The following ZNF451 variants were observed in gnomAD, a reference collection of about 807,000 sequenced individuals.
The protein encoded by ZNF451 is E3 SUMO-protein ligase ZNF451.
Under a neutral mutation model 107.1 loss-of-function variants are expected in ZNF451, and 80 were observed. The ratio of observed to expected loss-of-function variants is 0.75; its 90% CI spans 0.62 to 0.90. The LOEUF (loss-of-function observed/expected upper bound fraction) is 0.90, where lower values mean the gene tolerates loss of function less well. Among genes scored for constraint, ZNF451 ranks in the 40% least tolerant of loss-of-function variants. ZNF451 has a pLI of 0.00. For synonymous variants in ZNF451, 362 were observed against 406.5 expected (o/e 0.89, Z 1.32); for missense variants, 1,107 against 1,236.2 (o/e 0.90, Z 1.57).
At chr6:57,150,935 T>G in intron 11 of ZNF451, 73 bp downstream of exon 11, 1 of 1,521,158 alleles carries the variant, frequency 6.6e-7, no homozygotes, top group Non-Finnish European at 9.0e-7. Flanking sequence ...AAAAGGCTCC[T>G]CTTAAACCTT....
At chr6:57,131,574 G>A (rs1831180289) in intron 5 of ZNF451, among the ~76,000 whole-genome samples, 1 of 152,070 alleles carries the variant, frequency 6.6e-6, no homozygotes, top group Non-Finnish European at 1.5e-5. Flanking sequence ...TCCATTATTT[G>A]TTGTCAGAAC....
At chr6:57,145,206 T>C (rs1832003158) in intron 9 of ZNF451, among the ~76,000 whole-genome samples, 1 of 152,198 alleles carries the variant, frequency 6.6e-6, no homozygotes, top group Admixed American at 6.5e-5. Flanking sequence ...TTGAGTTAAT[T>C]TGTGGAATAG....
rs576675373 is a variant in ZNF451, at chr6:57,130,008, T to C, written c.424+1168T>C. On this transcript the variant is annotated intron_variant, in intron 5 of 14. Transcript: ENST00000370706. The stretch of plus-strand genomic sequence containing the variant: ...TTATTCATTTCACTAATACAGTATT[T>C]ATTATGTTCGATTGATCCGTTTATA... 2.6e-5 allele frequency among the ~76,000 whole-genome samples: 4 copies of C among 152,308 alleles called. No individual in the cohort carries two copies. The East Asian group carries it at 7.7e-4, about 29-fold the overall frequency.
chr6:57,159,382 CAGAA>C (rs908868463), intron 13 of ZNF451: 2 of 985,248 alleles, frequency 2.0e-6, no homozygotes, highest in African/African-American at 3.5e-5. Flanking sequence ...ATTGTAATAA[CAGAA>C]AGCTGTGGGT....
At chr6:57,150,548 G>A (rs1314807724) in intron 10 of ZNF451, 171 bp from the exon 11 acceptor site, 15 of 526,306 alleles carry the variant, frequency 2.9e-5, no homozygotes, top group Non-Finnish European at 4.7e-5. Flanking sequence ...TGATTTAAGT[G>A]TAAATGGTGT....
intron 13 of ZNF451, among the ~76,000 whole-genome samples, chr6:57,155,541 C>T (rs1763379050): frequency 6.6e-6 from 1 of 152,278 alleles, no homozygotes; most frequent in South Asian, 2.1e-4. Flanking sequence ...TCCCAGTTCT[C>T]AACATCTACT....
chr6:57,125,783 A>G (rs1362899467), intron 4 of ZNF451, among the ~76,000 whole-genome samples: 1 of 152,098 alleles, frequency 6.6e-6, no homozygotes, highest in African/African-American at 2.4e-5. Context: ...ATGTAATATC[A>G]ATTAAATTAG....
chr6:57,143,047 G>A (rs1177297884), intron 9 of ZNF451, among the ~76,000 whole-genome samples: 1 of 151,978 alleles, frequency 6.6e-6, no homozygotes, highest in Non-Finnish European at 1.5e-5. Context: ...ATAGTGAGTT[G>A]GGGTTCTTTA....
chr6:57,134,841 C>A lies in ZNF451; in HGVS notation c.673C>A (p.Gln225Lys), dbSNP rs536434206. ...ATGTTATAAAAAATTTGTTACTCAA[C>A]AACAATATAGAGATCACCTTTTTGA... ...VVCYKKFVTQ[Q>K]QYRDHLFDKE... is the part of the protein sequence containing the mutation. Residue 225 changes from glutamine to lysine, a missense_variant, in exon 7 of 15, where the codon CAA becomes AAA. Physicochemically the swap from Gln to Lys is moderately conservative, Grantham distance 53. Coordinates refer to ENST00000370706, the MANE Select transcript of ZNF451 (RefSeq NM_001031623.3). 23 of 1,609,096 alleles carry A rather than the reference C, an allele frequency of 1.4e-5. No individual in the cohort carries two copies. The Admixed American group carries it at 2.8e-4, about 20-fold the overall frequency.
chr6:57,112,782 A>G (rs1372755391), intron 3 of ZNF451, among the ~76,000 whole-genome samples: 1 of 152,202 alleles, frequency 6.6e-6, no homozygotes, highest in Non-Finnish European at 1.5e-5. Flanking sequence ...TCATGTTCAT[A>G]ATATATTCAT....
chr6:57,164,464 A>G (rs1007231887), intron 14 of ZNF451, among the ~76,000 whole-genome samples: 2 of 152,218 alleles, frequency 1.3e-5, no homozygotes, highest in Admixed American at 6.5e-5. Flanking sequence ...CTCTAGAGGT[A>G]TGTCTGTTAA....
At chr6:57,101,636 A>G (rs1332163205) in intron 3 of ZNF451, 2 of 1,550,748 alleles carry the variant, frequency 1.3e-6, no homozygotes, top group Non-Finnish European at 1.7e-6. Flanking sequence ...GAAGACATGG[A>G]AGATCTGGTT....
intron 13 of ZNF451, among the ~76,000 whole-genome samples, chr6:57,158,158 C>T (rs1189097449): frequency 6.6e-6 from 1 of 152,192 alleles, no homozygotes; most frequent in Non-Finnish European, 1.5e-5. Context: ...GTATCAACGA[C>T]TGTGGTTGAG....
chr6:57,133,660 G>C (rs1274431449), intron 6 of ZNF451, among the ~76,000 whole-genome samples: 2 of 152,092 alleles, frequency 1.3e-5, no homozygotes, highest in African/African-American at 4.8e-5. Context: ...TCAATTTACT[G>C]AGTTTGGTGG....
chr6:57,095,985 A>T (rs755376467), intron 2 of ZNF451, among the ~76,000 whole-genome samples: 1 of 151,528 alleles, frequency 6.6e-6, no homozygotes, highest in African/African-American at 2.4e-5. Context: ...CACCACGCCC[A>T]GCTAATTTTT....
At chr6:57,162,099 A>G (rs1196502093) in intron 14 of ZNF451, among the ~76,000 whole-genome samples, 1 of 152,208 alleles carries the variant, frequency 6.6e-6, no homozygotes, top group Admixed American at 6.5e-5. Context: ...GGAGAAGTTG[A>G]AAGTGTTATA....
intron 13 of ZNF451, chr6:57,159,372 A>C (rs1763567771): frequency 4.1e-6 from 4 of 985,274 alleles, no homozygotes; most frequent in Non-Finnish European, 3.6e-6. Flanking sequence ...TTGACTTTAA[A>C]TTGTAATAAC....
chr6:57,130,732 C>T (rs1831143708), intron 5 of ZNF451, among the ~76,000 whole-genome samples: 1 of 152,098 alleles, frequency 6.6e-6, no homozygotes. Flanking sequence ...TTTCCCTGAG[C>T]AGGTCAAGTG....
At chr6:57,152,435 AT>A (rs1832395518) in intron 12 of ZNF451, 84 bp downstream of exon 12, 8 of 1,497,582 alleles carry the variant, frequency 5.3e-6, no homozygotes, top group Non-Finnish European at 7.4e-6. Context: ...AATGAGACTT[AT>A]AGATCATTCT....
Sources: gnomAD v4.1 joint callset for allele counts (sites outside exome capture counted in the v4.1 genomes callset) on GRCh38, gnomAD v4.1.1 for gene constraint, MANE v1.5 for transcripts, NCBI Gene and HGNC (gene_info 2026-07-23, HGNC 2026-07-21) for gene names.